The following GALNT13 variants were observed in gnomAD, a reference collection of about 807,000 sequenced individuals.
The protein encoded by GALNT13 is polypeptide N-acetylgalactosaminyltransferase 13, also known as UDP-GalNAc:polypeptide N-acetylgalactosaminyltransferase 13.
In GALNT13, 28 loss-of-function variants were observed where a neutral mutation model predicts 64.2. The observed-to-expected ratio is 0.44, with a 90% CI of 0.32 to 0.60. The LOEUF is 0.60. Ranked by LOEUF, GALNT13 falls within the 20% of genes least tolerant of loss-of-function variation. The pLI is 0.05. For missense variants in GALNT13, 577 were observed against 669.8 expected (o/e 0.86, Z 1.53); for synonymous variants, 214 against 224.6 (o/e 0.95, Z 0.42).
chr2:154,357,923 T>G (rs1301592238), intron 9 of GALNT13, among the ~76,000 whole-genome samples: 1 of 152,098 alleles, frequency 6.6e-6, no homozygotes, highest in Non-Finnish European at 1.5e-5. Context: ...AATTTCTCCT[T>G]TATTTAAACT....
the GALNT13 span, among the ~76,000 whole-genome samples, chr2:153,278,075 C>G: frequency 6.6e-6 from 1 of 150,860 alleles, no homozygotes; most frequent in African/African-American, 2.4e-5. Context: ...TACAGGCGCC[C>G]GCCACCACTC....
chr2:153,283,940 GAGCTGAGAGGGCTCCGA>G, the GALNT13 span, among the ~76,000 whole-genome samples: 1 of 152,170 alleles, frequency 6.6e-6, no homozygotes, highest in Non-Finnish European at 1.5e-5. Flanking sequence ...CCTGGGTGTG[GAGCTGAGAGGGCTCCGA>G]AGCACTACAA....
chr2:154,030,403 T>C (rs1401517), intron 3 of GALNT13, among the ~76,000 whole-genome samples: 116,299 of 152,014 alleles, frequency 0.77, 44,879 homozygotes, highest in East Asian at 0.96. Context: ...AACTCTCAAC[T>C]CCGAATTTTA....
chr2:153,093,240 TC>T, the GALNT13 span, among the ~76,000 whole-genome samples: 2,230 of 141,432 alleles, frequency 0.016, 113 homozygotes, highest in Non-Finnish European at 0.019. Context: ...TCTTTTCTTT[TC>T]TTTTTTTTTT....
Position 154,154,566 on chromosome 2 carries a change from C to T in GALNT13, c.311+14061C>T, listed in dbSNP as rs142390452. ...GAGAAGCCTGAATTTAATAAGATTCCCTATTGACTATTATAGTCACATAGA... is the reference window on the plus strand; with the variant it reads ...GAGAAGCCTGAATTTAATAAGATTCTCTATTGACTATTATAGTCACATAGA... On this transcript the variant is annotated intron_variant, in intron 4 of 12. Coordinates refer to ENST00000392825, the MANE Select transcript of GALNT13 (RefSeq NM_052917.4). Among the ~76,000 whole-genome samples, 493 of 151,914 alleles carry T rather than the reference C, an allele frequency of 3.2e-3. 1 individual carries two copies. Among genetic ancestry groups the T allele is most frequent in the East Asian group, 0.01 (52 of 5,170 alleles).
At chr2:153,633,663 G>T in the GALNT13 span, among the ~76,000 whole-genome samples, 3 of 152,072 alleles carry the variant, frequency 2.0e-5, no homozygotes, top group Admixed American at 6.6e-5. Context: ...TGTTTTTCAG[G>T]AGTGGCTAGC....
rs369492579 is a variant in GALNT13, at chr2:154,265,067, TAGAG to T, written c.975+5933_975+5936del. On this transcript the variant is annotated intron_variant, in intron 8 of 12. Transcript: ENST00000392825. Reference sequence around the variant, plus strand: ...ATATTTTAGCCAAATATGGGAAAAATAGAGAGATGACACAAATTATCAATTTTGG... The same window carrying T: ...ATATTTTAGCCAAATATGGGAAAAATAGATGACACAAATTATCAATTTTGG... Among the ~76,000 whole-genome samples the T allele has an allele frequency of 1.4e-3, 210 of 151,234 alleles. 1 individual carries two copies. The highest frequency in any genetic ancestry group is 4.8e-3 in the African/African-American group (200 of 41,322).
intron 4 of GALNT13, among the ~76,000 whole-genome samples, chr2:154,241,042 AGCCGTCCG>A (rs1689458122): frequency 6.6e-6 from 1 of 151,938 alleles, no homozygotes; most frequent in African/African-American, 2.4e-5. Context: ...CTCCATGTCT[AGCCGTCCG>A]TGCCTTCCTC....
At chr2:153,456,316 T>C in the GALNT13 span, among the ~76,000 whole-genome samples, 1 of 152,158 alleles carries the variant, frequency 6.6e-6, no homozygotes, top group Non-Finnish European at 1.5e-5. Flanking sequence ...TGAAATTGCA[T>C]CAAAATGCTG....
the GALNT13 span, among the ~76,000 whole-genome samples, chr2:153,198,899 C>T: frequency 9.7e-3 from 1,483 of 152,286 alleles, 25 homozygotes; most frequent in African/African-American, 0.034. Flanking sequence ...GGGCACAGGC[C>T]AAGACCATGG....
At chr2:153,763,362 T>C in the GALNT13 span, among the ~76,000 whole-genome samples, 4 of 152,200 alleles carry the variant, frequency 2.6e-5, no homozygotes, top group African/African-American at 9.7e-5. Flanking sequence ...CACCCATATC[T>C]CACCTTGAAT....
At chr2:153,221,974 G>C in the GALNT13 span, among the ~76,000 whole-genome samples, 1 of 152,200 alleles carries the variant, frequency 6.6e-6, no homozygotes, top group Admixed American at 6.5e-5. Context: ...AAGAGCCACA[G>C]CTCTTCTCTC....
the GALNT13 span, among the ~76,000 whole-genome samples, chr2:153,216,820 A>T: frequency 2.0e-5 from 3 of 151,852 alleles, no homozygotes; most frequent in African/African-American, 4.8e-5. Context: ...CAATTTATCA[A>T]TTTTTTTCTT....
intron 11 of GALNT13, among the ~76,000 whole-genome samples, chr2:154,425,577 C>T (rs1700434140): frequency 6.6e-6 from 1 of 152,170 alleles, no homozygotes; most frequent in African/African-American, 2.4e-5. Context: ...AAAGCCAGTT[C>T]TTCACAGAAT....
chr2:153,621,077 C>T, the GALNT13 span, among the ~76,000 whole-genome samples: 6 of 152,034 alleles, frequency 3.9e-5, no homozygotes, highest in African/African-American at 7.2e-5. Flanking sequence ...GACAGAGACT[C>T]TTGTACTCTT....
chr2:153,986,248 G>T (rs950596617), intron 3 of GALNT13, among the ~76,000 whole-genome samples: 9 of 151,910 alleles, frequency 5.9e-5, no homozygotes, highest in Non-Finnish European at 1.3e-4. Context: ...TGTAGAAAAG[G>T]CAACACTTTC....
At chr2:153,367,663 C>A in the GALNT13 span, among the ~76,000 whole-genome samples, 14 of 152,180 alleles carry the variant, frequency 9.2e-5, no homozygotes, top group African/African-American at 3.4e-4. Flanking sequence ...CCTGCTGAAA[C>A]TGATTTTGGA....
chr2:153,710,357 A>G, the GALNT13 span, among the ~76,000 whole-genome samples: 1 of 152,094 alleles, frequency 6.6e-6, no homozygotes, highest in Non-Finnish European at 1.5e-5. Flanking sequence ...CATCACACGT[A>G]ACTTCTGAAA....
chr2:153,797,441 C>G, the GALNT13 span, among the ~76,000 whole-genome samples: 1 of 152,162 alleles, frequency 6.6e-6, no homozygotes, highest in East Asian at 1.9e-4. Flanking sequence ...ATAACATTCA[C>G]TTTATATGGG....
Sources: allele counts gnomAD v4.1 joint callset (sites outside exome capture counted in the v4.1 genomes callset), GRCh38; gene constraint gnomAD v4.1.1; transcripts MANE v1.5; gene names NCBI Gene and HGNC (gene_info 2026-07-23, HGNC 2026-07-21).